RUFY4: variants seen among roughly 807,000 people sequenced by gnomAD.
The protein encoded by RUFY4 is RUN and FYVE domain-containing protein 4.
RUFY4 carries 73 observed loss-of-function variants against 69.0 expected under a neutral mutation model. The ratio of observed to expected loss-of-function variants is 1.06; its 90% CI spans 0.88 to 1.29. The LOEUF (loss-of-function observed/expected upper bound fraction) is 1.29. RUFY4 is among the 50% of genes most tolerant of loss of function. The pLI is 0.00. For synonymous variants in RUFY4, 287 were observed against 271.8 expected (o/e 1.06, Z -0.55); for missense variants, 770 against 705.6 (o/e 1.09, Z -1.03).
chr2:218,083,997 G>A (rs1443016397), intron 9 of RUFY4, among the ~76,000 whole-genome samples: 2 of 152,160 alleles, frequency 1.3e-5, no homozygotes, highest in South Asian at 4.1e-4. Flanking sequence ...CCCTGGGCCT[G>A]TGGACCTGCC....
chr2:218,065,052 C>G (rs1689292314), upstream of RUFY4, among the ~76,000 whole-genome samples: 1 of 152,184 alleles, frequency 6.6e-6, no homozygotes, highest in Non-Finnish European at 1.5e-5. Context: ...CTGAGGTCAG[C>G]TCCATATGGA....
chr2:218,080,759 C>T (rs973047619), intron 8 of RUFY4, among the ~76,000 whole-genome samples: 2 of 152,200 alleles, frequency 1.3e-5, no homozygotes, highest in Admixed American at 6.5e-5. Flanking sequence ...GCATCCTTCC[C>T]TCCCTCCCTC....
chr2:218,075,693 G>C, exon 7 of RUFY4: 1 of 1,471,496 alleles, frequency 6.8e-7, no homozygotes, highest in Non-Finnish European at 9.0e-7. Flanking sequence ...GACCCTTGTG[G>C]CCAGAAGGGA....
rs1463445195 is a variant in RUFY4 at position 218,085,427 on chromosome 2, T to A, written c.1502+2171T>A. Among the ~76,000 whole-genome samples the A allele has an allele frequency of 3.9e-5, 6 of 152,336 alleles. No individual in the cohort carries two copies. In the South Asian group the frequency reaches 1.2e-3, roughly 32 times the overall value. ...TCGGGATGGTGGACTGCCCACATCT[T>A]ATCTATTCTCCATCCTGAAATTTCT... On this transcript the variant is annotated intron_variant, in intron 9 of 10. Transcript: ENST00000344321.
chr2:218,072,242 G>T (rs1376543839), intron 2 of RUFY4, 132 bp from the exon 5 acceptor site: 2 of 1,106,522 alleles, frequency 1.8e-6, no homozygotes, highest in African/African-American at 1.6e-5. Flanking sequence ...GTAAGGACAG[G>T]GCTGGGTCTG....
chr2:218,072,209 C>T (rs553284545), intron 2 of RUFY4, among the ~76,000 whole-genome samples, 165 bp from the exon 5 acceptor site: 3 of 152,278 alleles, frequency 2.0e-5, no homozygotes, highest in South Asian at 4.2e-4. Flanking sequence ...AGGTCAAGCC[C>T]CTTGCTCGTG....
intron 2 of RUFY4, among the ~76,000 whole-genome samples, chr2:218,052,532 C>T (rs1222211623): frequency 1.3e-5 from 2 of 152,110 alleles, no homozygotes; most frequent in African/African-American, 4.8e-5. Flanking sequence ...TAAAGACAAG[C>T]AGTTATACTG....
At chr2:218,089,101 A>G (rs1689965121) in intron 9 of RUFY4, 151 bp from the exon 12 acceptor site, 1 of 633,300 alleles carries the variant, frequency 1.6e-6, no homozygotes, top group Non-Finnish European at 2.8e-6. Flanking sequence ...GTATGTGTCC[A>G]TGTGATTCCC....
At chr2:218,082,408 T>C (rs923319882) in intron 8 of RUFY4, among the ~76,000 whole-genome samples, 8 of 152,258 alleles carry the variant, frequency 5.3e-5, no homozygotes, top group African/African-American at 1.9e-4. Flanking sequence ...GCCATGATGG[T>C]GAACACACCT....
At chr2:218,046,250 A>C (rs1574493593) in intron 2 of RUFY4, among the ~76,000 whole-genome samples, 1 of 151,978 alleles carries the variant, frequency 6.6e-6, no homozygotes, top group Non-Finnish European at 1.5e-5. Context: ...ACTATTGTTA[A>C]CTATAGTCAT....
intron 6 of RUFY4, among the ~76,000 whole-genome samples, chr2:218,074,138 C>T (rs1002873046): frequency 3.9e-5 from 6 of 151,960 alleles, no homozygotes; most frequent in Non-Finnish European, 7.4e-5. Context: ...GCCACTGGGC[C>T]CAGACAAGGA....
exon 7 of RUFY4, chr2:218,075,246 A>G: frequency 6.4e-7 from 1 of 1,573,788 alleles, no homozygotes; most frequent in Non-Finnish European, 8.6e-7. Flanking sequence ...TTTGGAAAAG[A>G]AGGGGGAAAG....
chr2:218,071,244 A>G (rs1276440762), intron 2 of RUFY4, among the ~76,000 whole-genome samples: 1 of 152,062 alleles, frequency 6.6e-6, no homozygotes, highest in Non-Finnish European at 1.5e-5. Flanking sequence ...GCCTGGCTTT[A>G]TGCAATCCTC....
chr2:218,088,096 G>A (rs1042112983), intron 9 of RUFY4, among the ~76,000 whole-genome samples: 1 of 151,992 alleles, frequency 6.6e-6, no homozygotes, highest in Non-Finnish European at 1.5e-5. Flanking sequence ...AGAGAGGGGA[G>A]GCCTTTTGAT....
At chr2:218,036,381 C>T (rs1958978383) in intron 2 of RUFY4, among the ~76,000 whole-genome samples, 1 of 152,098 alleles carries the variant, frequency 6.6e-6, no homozygotes, top group Admixed American at 6.5e-5. Flanking sequence ...TCTTCCTGGG[C>T]TCACAGTCCA....
At chr2:218,038,695 T>C (rs1029323710) in intron 2 of RUFY4, among the ~76,000 whole-genome samples, 7 of 152,238 alleles carry the variant, frequency 4.6e-5, no homozygotes, top group Non-Finnish European at 5.9e-5. Context: ...TTTTTGGTGG[T>C]ATTATTTTAC....
chr2:218,042,703 T>G (rs114593680), intron 2 of RUFY4, among the ~76,000 whole-genome samples: 1 of 151,320 alleles, frequency 6.6e-6, no homozygotes, highest in South Asian at 2.1e-4. Context: ...TTTCTGAAGT[T>G]AAATCATCCA....
chr2:218,064,409 C>A (rs1191942503), upstream of RUFY4, among the ~76,000 whole-genome samples: 1 of 152,224 alleles, frequency 6.6e-6, no homozygotes, highest in Non-Finnish European at 1.5e-5. Flanking sequence ...CCAAGCCAAC[C>A]CCAAGTTGGG....
intron 9 of RUFY4, among the ~76,000 whole-genome samples, 171 bp from the exon 12 acceptor site, chr2:218,089,079 CTT>C (rs764905416): frequency 2.6e-5 from 4 of 152,188 alleles, no homozygotes; most frequent in Admixed American, 6.5e-5. Flanking sequence ...CTCTGAATCT[CTT>C]TTTATTTCCG....
Sources: allele counts gnomAD v4.1 joint callset (sites outside exome capture counted in the v4.1 genomes callset), GRCh38; gene constraint gnomAD v4.1.1; transcripts MANE v1.5; gene names NCBI Gene and HGNC (gene_info 2026-07-23, HGNC 2026-07-21).